The following ZRANB3 variants were observed in gnomAD, a reference collection of about 807,000 sequenced individuals.
ZRANB3 encodes zinc finger RANBP2-type containing 3.
In ZRANB3, 125 loss-of-function variants were observed where a neutral mutation model predicts 133.8. The ratio of observed to expected loss-of-function variants is 0.93; its 90% CI spans 0.81 to 1.08. The LOEUF (loss-of-function observed/expected upper bound fraction) is 1.08. ZRANB3 is among the 50% of genes least tolerant of loss of function. ZRANB3 has a pLI of 0.00. For synonymous variants in ZRANB3, 387 were observed against 432.7 expected, an observed-to-expected ratio of 0.89 and a Z score of 1.31; for missense variants, 1,229 against 1,275.5, an observed-to-expected ratio of 0.96 and a Z score of 0.56.
At chr2:135,239,705 C>T (rs4954230) in intron 12 of ZRANB3, among the ~76,000 whole-genome samples, 1 of 152,110 alleles carries the variant, frequency 6.6e-6, no homozygotes, top group Non-Finnish European at 1.5e-5. Flanking sequence ...AAAGAAAGAG[C>T]GGGCCAGGCA....
At chr2:135,412,134 T>C (rs1404997551) in intron 2 of ZRANB3, among the ~76,000 whole-genome samples, 3 of 152,192 alleles carry the variant, frequency 2.0e-5, no homozygotes, top group Admixed American at 2.0e-4. Flanking sequence ...TTTTGATATA[T>C]ACTTGCTGTA....
intron 3 of ZRANB3, among the ~76,000 whole-genome samples, chr2:135,388,911 T>C (rs1213643014): frequency 1.3e-5 from 2 of 152,040 alleles, no homozygotes; most frequent in Non-Finnish European, 2.9e-5. Flanking sequence ...ACCCTGTCTT[T>C]ACTAAAAATA....
At position 135,200,236 on chromosome 2, in the gene ZRANB3, G is replaced by T; in HGVS notation, c.*106C>A. On this transcript the variant is annotated 3_prime_UTR_variant, in exon 21 of 21. Transcript: ENST00000264159. ...AAGAGAATTTGAATTCTTGATTTTT[G>T]TTCTGAAAATTTTTACTCTCGATAT... The T allele has an allele frequency of 1.1e-6, 1 of 889,642 alleles. No individual in the cohort carries two copies. The highest frequency in any genetic ancestry group is 1.7e-6 in the Non-Finnish European group (1 of 574,020). The allele number at this position is 889,642 out of a possible 1,614,324, so 55.1% of individuals were successfully genotyped here. A position where few individuals can be genotyped will look rare whatever the true frequency, so the allele number is the denominator to read the frequency against.
intron 8 of ZRANB3, among the ~76,000 whole-genome samples, chr2:135,298,165 G>A (rs1264872220): frequency 6.6e-6 from 1 of 152,038 alleles, no homozygotes; most frequent in Non-Finnish European, 1.5e-5. Context: ...GAGGCAGAGG[G>A]TGCAGTGAGC....
chr2:135,407,462 G>C (rs1166493859), intron 2 of ZRANB3, among the ~76,000 whole-genome samples: 1 of 149,862 alleles, frequency 6.7e-6, no homozygotes, highest in Non-Finnish European at 1.5e-5. Context: ...CACAGAATTG[G>C]AAAAAACTAC....
rs1688434278 is a variant in ZRANB3 at position 135,413,973 on chromosome 2, G to A, written c.162-23153C>T. 2.6e-5 allele frequency among the ~76,000 whole-genome samples: 4 copies of A among 151,880 alleles called. No individual in the cohort carries two copies. In the South Asian group the frequency reaches 8.3e-4, roughly 32 times the overall value. On this transcript the variant is annotated intron_variant, in intron 2 of 20. Coordinates refer to ENST00000264159, the MANE Select transcript of ZRANB3 (RefSeq NM_032143.4). ...TGAAGGAAGCACTAAACATGGAAAGGAACGAGTACCAACCGTGGCAAAATC... is the reference window on the plus strand; with the variant it reads ...TGAAGGAAGCACTAAACATGGAAAGAAACGAGTACCAACCGTGGCAAAATC...
intron 2 of ZRANB3, among the ~76,000 whole-genome samples, chr2:135,396,472 T>C (rs889590338): frequency 3.3e-5 from 5 of 152,216 alleles, no homozygotes; most frequent in African/African-American, 9.6e-5. Context: ...AATGGAGTAC[T>C]ATTCAGCCAT....
At chr2:135,487,636 C>T (rs550282935) in intron 2 of ZRANB3, among the ~76,000 whole-genome samples, 22 of 152,122 alleles carry the variant, frequency 1.4e-4, no homozygotes, top group South Asian at 4.1e-4. Context: ...ATGACGATGG[C>T]GTTTTTCCTT....
chr2:135,506,595 A>G (rs988918598), intron 1 of ZRANB3, among the ~76,000 whole-genome samples: 9 of 152,250 alleles, frequency 5.9e-5, no homozygotes, highest in African/African-American at 2.2e-4. Flanking sequence ...TTAAAAATTC[A>G]GTTATCCAGT....
rs1340861186 is a variant in ZRANB3, at chr2:135,276,827, G to A, written c.967-1072C>T. On this transcript the variant is annotated intron_variant, in intron 8 of 20. Coordinates refer to ENST00000264159, the MANE Select transcript of ZRANB3 (RefSeq NM_032143.4). The stretch of plus-strand genomic sequence containing the variant: ...GAAAGTGGAGAAGCACTTGATTTAC[G>A]TTGCAGTCACCTAAAAAGGTTCAGA... Among the ~76,000 whole-genome samples the A allele has an allele frequency of 5.3e-5, 8 of 152,264 alleles. No homozygotes were observed. In the East Asian group the frequency reaches 7.7e-4, roughly 15 times the overall value.
chr2:135,380,534 G>C (rs1309827992), intron 3 of ZRANB3, among the ~76,000 whole-genome samples: 1 of 152,134 alleles, frequency 6.6e-6, no homozygotes, highest in Non-Finnish European at 1.5e-5. Context: ...CAACTACATG[G>C]AAACTGAACA....
At chr2:135,433,391 A>G (rs188227974) in intron 2 of ZRANB3, among the ~76,000 whole-genome samples, 29 of 152,292 alleles carry the variant, frequency 1.9e-4, no homozygotes, top group Non-Finnish European at 4.0e-4. Context: ...TGTCTTAAAA[A>G]AACAAAACAA....
At chr2:135,362,189 C>T (rs1307052072) in intron 3 of ZRANB3, among the ~76,000 whole-genome samples, 2 of 147,380 alleles carry the variant, frequency 1.4e-5, no homozygotes, top group Non-Finnish European at 3.0e-5. Flanking sequence ...CAGAGCAAGA[C>T]TCCGTCTCAA....
intron 1 of ZRANB3, chr2:135,530,669 T>C (rs547990489): frequency 3.8e-4 from 58 of 152,360 alleles, no homozygotes; most frequent in African/African-American, 1.3e-3. Context: ...TATGGTATTT[T>C]GAGGAAACTC....
In ZRANB3 at chr2:135,450,788, T is replaced by C. The variant is rs1402534858; in HGVS notation, c.161+53541A>G. On this transcript the variant is annotated intron_variant, in intron 2 of 20. Transcript: ENST00000264159. ...GAAGAGCTTTCAGGGGGGACCCAGA[T>C]GGAGCCTCAGAATATCCAGTCTCTG... Among the ~76,000 whole-genome samples, 4 of 152,154 alleles carry C rather than the reference T, an allele frequency of 2.6e-5. No individual in the cohort carries two copies. In the East Asian group the frequency reaches 7.7e-4, roughly 29 times the overall value.
intron 2 of ZRANB3, among the ~76,000 whole-genome samples, chr2:135,441,656 G>A (rs968510138): frequency 7.3e-5 from 11 of 151,682 alleles, no homozygotes; most frequent in African/African-American, 2.7e-4. Flanking sequence ...ACCACAAAGG[G>A]AAAGAAATAG....
At chr2:135,230,055 C>T (rs905396849) in intron 13 of ZRANB3, among the ~76,000 whole-genome samples, 1 of 152,110 alleles carries the variant, frequency 6.6e-6, no homozygotes, top group African/African-American at 2.4e-5. Flanking sequence ...AAAACCATGG[C>T]ACAATGTATA....
At chr2:135,496,912 C>T (rs1692698906) in intron 2 of ZRANB3, among the ~76,000 whole-genome samples, 2 of 152,114 alleles carry the variant, frequency 1.3e-5, no homozygotes. Context: ...CCTTGCTTAT[C>T]AAGAAAGAAA....
In ZRANB3 at chr2:135,408,610, T is replaced by C. The variant is rs556519120; in HGVS notation, c.162-17790A>G. 3.6e-4 allele frequency among the ~76,000 whole-genome samples: 54 copies of C among 152,104 alleles called. No homozygotes were observed. The South Asian group carries it at 0.01, about 29-fold the overall frequency. On this transcript the variant is annotated intron_variant, in intron 2 of 20. Coordinates refer to ENST00000264159, the MANE Select transcript of ZRANB3 (RefSeq NM_032143.4). ...ACAATGATAGACTGGATTAAGAAAA[T>C]GCGGCACATATACACCATGGAATAC...
Sources: allele counts gnomAD v4.1 joint callset (sites outside exome capture counted in the v4.1 genomes callset), GRCh38; gene constraint gnomAD v4.1.1; transcripts MANE v1.5; gene names NCBI Gene and HGNC (gene_info 2026-07-23, HGNC 2026-07-21).